The following SAE1 variants were observed in gnomAD, a reference collection of about 807,000 sequenced individuals.
SAE1 encodes SUMO1 activating enzyme subunit 1, also known as SUMO-activating enzyme subunit 1.
A neutral mutation model predicts 40.6 loss-of-function variants in SAE1; 11 were observed. That is an observed-to-expected ratio of 0.27 (90% CI 0.17 to 0.45). The LOEUF is 0.45. Ranked by LOEUF, SAE1 falls within the 20% of genes least tolerant of loss-of-function variation. The pLI is 1.00. For missense variants in SAE1, 373 were observed against 427.3 expected (o/e 0.87, Z 1.12); for synonymous variants, 155 against 154.3 (o/e 1.00, Z -0.03).
intron 6 of SAE1, among the ~76,000 whole-genome samples, chr19:47,189,090 AT>A (rs1176941864): frequency 1.3e-5 from 2 of 152,168 alleles, no homozygotes. Context: ...CTCAGTGTAT[AT>A]TTATTGAATG....
At chr19:47,172,427 T>C (rs1182615502) in intron 6 of SAE1, among the ~76,000 whole-genome samples, 2 of 152,154 alleles carry the variant, frequency 1.3e-5, no homozygotes, top group African/African-American at 2.4e-5. Flanking sequence ...TGTTGCTCAC[T>C]GCCTCGCACA....
chr19:47,155,163 G>C lies in SAE1; in HGVS notation c.577G>C (p.Asp193His). The C allele has an allele frequency of 6.2e-7, 1 of 1,613,992 alleles. No individual in the cohort carries two copies. The highest frequency in any genetic ancestry group is 1.3e-5 in the African/African-American group (1 of 75,004). Reference protein sequence around the residue: ...KVSQGVEDGPDTKRAKLDSSE... With the variant: ...KVSQGVEDGPHTKRAKLDSSE... ...TAGCCAAGGAGTAGAAGATGGGCCC[G>C]ACACCAAGAGAGCAAAACTTGATTC... Residue 193 changes from aspartate to histidine, a missense_variant, in exon 5 of 9, where the codon GAC becomes CAC. Transcript: ENST00000270225.
chr19:47,131,697 C>CTT (rs554165710), intron 1 of SAE1, among the ~76,000 whole-genome samples: 1,451 of 84,058 alleles, frequency 0.017, 53 homozygotes, highest in African/African-American at 0.026. Context: ...TTAGGGAATT[C>CTT]TTTTTTTTTT....
chr19:47,131,918 C>T (rs911530061), intron 1 of SAE1, among the ~76,000 whole-genome samples: 1 of 151,752 alleles, frequency 6.6e-6, no homozygotes, highest in Non-Finnish European at 1.5e-5. Flanking sequence ...CGAGACTGGT[C>T]TCGATCTCCT....
At chr19:47,192,053 CA>C (rs546857201) in intron 6 of SAE1, among the ~76,000 whole-genome samples, 227 of 103,924 alleles carry the variant, frequency 2.2e-3, no homozygotes, top group Non-Finnish European at 1.9e-3. Flanking sequence ...GACTCTGTCT[CA>C]AAAAAAAAAA....
At chr19:47,137,229 A>C (rs1489302385) in intron 1 of SAE1, among the ~76,000 whole-genome samples, 1 of 151,988 alleles carries the variant, frequency 6.6e-6, no homozygotes, top group Non-Finnish European at 1.5e-5. Context: ...TACTAAAAAT[A>C]CAAAAAAAAT....
intron 6 of SAE1, among the ~76,000 whole-genome samples, chr19:47,170,566 G>A (rs2058424731): frequency 7.2e-6 from 1 of 138,134 alleles, no homozygotes. Context: ...GAATGCAGTA[G>A]CGCTATCATG....
At chr19:47,189,518 G>A (rs1017894616) in intron 6 of SAE1, among the ~76,000 whole-genome samples, 3 of 152,062 alleles carry the variant, frequency 2.0e-5, no homozygotes, top group African/African-American at 2.4e-5. Context: ...CAAAGATCGC[G>A]CCACTGCACT....
At chr19:47,168,125 G>T (rs947306806) in intron 5 of SAE1, among the ~76,000 whole-genome samples, 3 of 152,106 alleles carry the variant, frequency 2.0e-5, no homozygotes, top group Admixed American at 2.0e-4. Context: ...CCCAGGACAC[G>T]GAGGTTGCAG....
intron 1 of SAE1, among the ~76,000 whole-genome samples, chr19:47,138,551 GGTTT>G (rs1296971406): frequency 6.6e-6 from 1 of 152,206 alleles, no homozygotes; most frequent in East Asian, 1.9e-4. Flanking sequence ...GATGGACACA[GGTTT>G]GTTTTGGTGT....
At chr19:47,131,893 G>A (rs951704840) in intron 1 of SAE1, among the ~76,000 whole-genome samples, 5 of 151,594 alleles carry the variant, frequency 3.3e-5, no homozygotes, top group Non-Finnish European at 7.4e-5. Context: ...TAGACACGGG[G>A]TTTCGCCATA....
At chr19:47,167,195 C>T (rs2058398868) in intron 5 of SAE1, among the ~76,000 whole-genome samples, 1 of 151,886 alleles carries the variant, frequency 6.6e-6, no homozygotes. Flanking sequence ...CTCTAGTGAT[C>T]CACCCGCCTT....
intron 6 of SAE1, among the ~76,000 whole-genome samples, chr19:47,191,256 C>A (rs1383196343): frequency 6.6e-6 from 1 of 151,914 alleles, no homozygotes; most frequent in Non-Finnish European, 1.5e-5. Context: ...AGTAAAAATA[C>A]AAAAGTTATT....
chr19:47,197,961 AC>A (rs957702785), intron 7 of SAE1, among the ~76,000 whole-genome samples: 2 of 152,012 alleles, frequency 1.3e-5, no homozygotes, highest in Non-Finnish European at 2.9e-5. Context: ...ATCAATTCAT[AC>A]CCCCAGCAGC....
intron 5 of SAE1, among the ~76,000 whole-genome samples, chr19:47,169,279 C>T (rs1041520269): frequency 1.3e-5 from 2 of 152,000 alleles, no homozygotes; most frequent in African/African-American, 4.8e-5. Flanking sequence ...AGTCTTACTC[C>T]TTCATCCAGA....
intron 3 of SAE1, 45 bp from the exon 4 acceptor site, chr19:47,152,853 A>C: frequency 6.3e-7 from 1 of 1,594,418 alleles, no homozygotes; most frequent in Non-Finnish European, 8.6e-7. Flanking sequence ...GCAGTGATTC[A>C]CAGTTTGCAA....
intron 1 of SAE1, among the ~76,000 whole-genome samples, chr19:47,131,349 G>A (rs935345267): frequency 1.8e-4 from 28 of 152,030 alleles, no homozygotes; most frequent in African/African-American, 6.8e-4. Context: ...CGCGGTTAGG[G>A]GATAAGAGGG....
chr19:47,131,056 T>G (rs177918), intron 1 of SAE1, 28 bp downstream of exon 1: 1,348,896 of 1,509,062 alleles, frequency 0.89, 603,448 homozygotes, highest in African/African-American at 0.98. Flanking sequence ...TTGAGGCCGC[T>G]AGGGTCTGGA....
At chr19:47,167,387 C>G (rs935221991) in intron 5 of SAE1, among the ~76,000 whole-genome samples, 75 of 152,030 alleles carry the variant, frequency 4.9e-4, no homozygotes, top group African/African-American at 1.8e-3. Context: ...CTGCAGGTGC[C>G]TGCCACCACG....
Sources: gnomAD v4.1 joint callset for allele counts (sites outside exome capture counted in the v4.1 genomes callset) on GRCh38, gnomAD v4.1.1 for gene constraint, MANE v1.5 for transcripts, NCBI Gene and HGNC (gene_info 2026-07-23, HGNC 2026-07-21) for gene names.